Variants in GNAS-AS1 observed in about 807,000 individuals in gnomAD.
GNAS-AS1 encodes GNAS antisense RNA 1 (non-protein coding).
At chr20:58,833,788 C>T (rs796733183) in intron 4 of GNAS-AS1, 17 of 152,300 alleles carry the variant, frequency 1.1e-4, no homozygotes, top group African/African-American at 3.8e-4. Flanking sequence ...AAAATGAAGC[C>T]AAGCGAAAAT....
intron 4 of GNAS-AS1, among the ~76,000 whole-genome samples, chr20:58,838,534 T>C (rs2085627629): frequency 6.6e-6 from 1 of 152,160 alleles, no homozygotes; most frequent in Non-Finnish European, 1.5e-5. Flanking sequence ...ACTTTTGTTG[T>C]TGTTGTTCAC....
intron 4 of GNAS-AS1, among the ~76,000 whole-genome samples, chr20:58,821,837 A>G (rs959886424): frequency 6.6e-6 from 1 of 152,158 alleles, no homozygotes; most frequent in Non-Finnish European, 1.5e-5. Context: ...GAATACGAAT[A>G]CGGATTAACT....
intron 4 of GNAS-AS1, among the ~76,000 whole-genome samples, chr20:58,829,677 C>CA (rs2085541706): frequency 6.6e-6 from 1 of 152,250 alleles, no homozygotes; most frequent in Non-Finnish European, 1.5e-5. Flanking sequence ...GCCACATGCT[C>CA]ACCCTTCAGT....
intron 4 of GNAS-AS1, chr20:58,824,210 A>T: frequency 2.5e-6 from 1 of 397,250 alleles, no homozygotes. Context: ...GGGCTCCAGA[A>T]GAAAAGGTGT....
intron 1 of GNAS-AS1, among the ~76,000 whole-genome samples, chr20:58,849,844 A>G (rs2086086245): frequency 6.6e-6 from 1 of 152,128 alleles, no homozygotes; most frequent in Non-Finnish European, 1.5e-5. Flanking sequence ...CTCGATCAGG[A>G]TCATCCTCCA....
chr20:58,840,543 G>A lies in GNAS-AS1; in HGVS notation n.819+1394C>T, dbSNP rs2145472008. ...GAGACCGAGCCTGAAGACGATCGCGGCCCGGTGGTGCCCAAGCACTCCACC... is the reference window on the plus strand; with the variant it reads ...GAGACCGAGCCTGAAGACGATCGCGACCCGGTGGTGCCCAAGCACTCCACC... On this transcript the variant is annotated intron_variant and non_coding_transcript_variant, in intron 4 of 4. Transcript: ENST00000424094. The surrounding 1 kb of genome is among the most constrained non-coding windows in gnomAD (Gnocchi z 6.0). 6.2e-7 allele frequency: 1 copy of A among 1,613,334 alleles called. No individual in the cohort carries two copies. Among genetic ancestry groups the A allele is most frequent in the Middle Eastern group, 1.6e-4 (1 of 6,062 alleles).
rs969325846 is a variant in GNAS-AS1, at chr20:58,840,096, T to A, written n.819+1841A>T. 1.9e-6 allele frequency: 3 copies of A among 1,609,732 alleles called. No homozygotes were observed. The highest frequency in any genetic ancestry group is 2.5e-6 in the Non-Finnish European group (3 of 1,179,854). On this transcript the variant is annotated intron_variant and non_coding_transcript_variant, in intron 4 of 4. Transcript: ENST00000424094. This position sits in a 1 kb window ranked among gnomAD's most constrained non-coding sequence, Gnocchi z 6.0. ...GAGGGCAGGCCGGCTTCTCGGTGTG[T>A]GCCTAAGAGGATGGATCGGAGGTCC...
intron 4 of GNAS-AS1, among the ~76,000 whole-genome samples, chr20:58,830,478 TCACCATCAC>T (rs1173620332): frequency 1.9e-4 from 1 of 5,282 alleles, no homozygotes; most frequent in East Asian, 5.7e-3. Flanking sequence ...ACCACCATCA[TCACCATCAC>T]CACCATCACC....
In GNAS-AS1 at chr20:58,841,326, A is replaced by G. The variant is rs368105538; in HGVS notation, n.819+611T>C. The stretch of plus-strand genomic sequence containing the variant: ...ATGTGGTTCGGAGGTGCGCGCGCCA[A>G]CTTTCACGATGTGAGAGCAGCCGCG... On this transcript the variant is annotated intron_variant and non_coding_transcript_variant, in intron 4 of 4. Transcript: ENST00000424094. This position sits in a 1 kb window ranked among gnomAD's most constrained non-coding sequence, Gnocchi z 5.0. 4.2e-5 allele frequency: 44 copies of G among 1,058,978 alleles called. No individual in the cohort carries two copies. In the East Asian group the frequency reaches 2.2e-3, roughly 52 times the overall value. 65.6% of individuals were successfully genotyped at this position (1,058,978 alleles called of 1,614,324 possible). A position where few individuals can be genotyped will look rare whatever the true frequency, so the allele number is the denominator to read the frequency against.
chr20:58,839,915 TAGA>T, intron 4 of GNAS-AS1: 1 of 617,672 alleles, frequency 1.6e-6, no homozygotes, highest in Non-Finnish European at 2.9e-6. Flanking sequence ...CGCGGAGCTT[TAGA>T]AAGTTCTTAA....
At chr20:58,847,140 G>C (rs2145511689) in intron 2 of GNAS-AS1, among the ~76,000 whole-genome samples, 1 of 152,370 alleles carries the variant, frequency 6.6e-6, no homozygotes, top group South Asian at 2.1e-4. Flanking sequence ...CTTTTGAGAA[G>C]GTTGCTGAGC....
intron 4 of GNAS-AS1, among the ~76,000 whole-genome samples, chr20:58,821,484 A>C (rs2085486900): frequency 6.6e-6 from 1 of 152,234 alleles, no homozygotes; most frequent in Admixed American, 6.5e-5. Flanking sequence ...ACCTGTGCGT[A>C]CCTCAGTTTT....
At chr20:58,825,854 C>G (rs764597978) in intron 4 of GNAS-AS1, among the ~76,000 whole-genome samples, 1 of 152,196 alleles carries the variant, frequency 6.6e-6, no homozygotes, top group Non-Finnish European at 1.5e-5. Flanking sequence ...TGCAATGCTC[C>G]CGGCATGGAC....
intron 4 of GNAS-AS1, among the ~76,000 whole-genome samples, chr20:58,823,470 C>T (rs1024441797): frequency 1.3e-5 from 2 of 152,220 alleles, no homozygotes; most frequent in Non-Finnish European, 2.9e-5. Context: ...CATCTGTATG[C>T]CTGTGACGGG....
intron 4 of GNAS-AS1, among the ~76,000 whole-genome samples, chr20:58,824,918 G>A (rs2085509731): frequency 6.6e-6 from 1 of 152,212 alleles, no homozygotes; most frequent in African/African-American, 2.4e-5. Context: ...ACAGAGGTGA[G>A]TGGATGGGTT....
chr20:58,841,614 CCG>C lies in GNAS-AS1; in HGVS notation n.819+321_819+322del. On this transcript the variant is annotated intron_variant and non_coding_transcript_variant, in intron 4 of 4. Coordinates refer to ENST00000424094, the Ensembl canonical transcript of GNAS-AS1. This position sits in a 1 kb window ranked among gnomAD's most constrained non-coding sequence, Gnocchi z 5.0. ...CGCCTCAAAGAGCGTGCGCACCTGC[CCG>C]CGCGCGCCGGAGCTGACCTCTCCCG... 3 of 1,046,948 alleles carry C rather than the reference CCG, an allele frequency of 2.9e-6. No individual in the cohort carries two copies. The highest frequency in any genetic ancestry group is 2.3e-6 in the Non-Finnish European group (2 of 870,342). 64.9% of individuals were successfully genotyped at this position (1,046,948 alleles called of 1,614,324 possible).
chr20:58,836,533 C>T (rs1394544196), intron 4 of GNAS-AS1: 3 of 152,214 alleles, frequency 2.0e-5, no homozygotes, highest in Admixed American at 6.5e-5. Context: ...GAGCCTCCCT[C>T]CAGCAGAGAC....
rs995020721 is a variant in GNAS-AS1, at chr20:58,841,732, C to T, written n.819+205G>A. ...GCCCCTACGGGCTACCAGGGTTGAA[C>T]GCACAGGCATGGTCACGTCGGGGTA... On this transcript the variant is annotated intron_variant and non_coding_transcript_variant, in intron 4 of 4. Transcript: ENST00000424094. This position sits in a 1 kb window ranked among gnomAD's most constrained non-coding sequence, Gnocchi z 5.0. The T allele has an allele frequency of 1.3e-5, 16 of 1,224,678 alleles. No homozygotes were observed. In the Middle Eastern group the frequency reaches 9.4e-4, roughly 72 times the overall value. The allele number at this position is 1,224,678 out of a possible 1,614,324, so 75.9% of individuals were successfully genotyped here. A position where few individuals can be genotyped will look rare whatever the true frequency, so the allele number is the denominator to read the frequency against.
chr20:58,826,193 T>C, intron 4 of GNAS-AS1: 1 of 398,288 alleles, frequency 2.5e-6, no homozygotes, highest in Non-Finnish European at 4.4e-6. Context: ...GTGCTAATAA[T>C]AATAACATTA....
Sources: allele counts gnomAD v4.1 joint callset (sites outside exome capture counted in the v4.1 genomes callset), GRCh38; gene constraint gnomAD v4.1.1; non-coding constraint Gnocchi (gnomAD v3.1); transcripts MANE v1.5; gene names NCBI Gene and HGNC (gene_info 2026-07-23, HGNC 2026-07-21).